The following EFCAB8 variants were observed in gnomAD, a reference collection of about 807,000 sequenced individuals.
EFCAB8 encodes the protein EF-hand calcium-binding domain-containing protein 8.
In EFCAB8, 100 loss-of-function variants were observed where a neutral mutation model predicts 116.3. The ratio of observed to expected loss-of-function variants is 0.86; its 90% CI spans 0.73 to 1.02. The LOEUF is 1.02. EFCAB8 is among the 50% of genes least tolerant of loss of function. The pLI is 0.00. For missense variants in EFCAB8, 1,320 were observed against 1,416.9 expected, an observed-to-expected ratio of 0.93 and a Z score of 1.10; for synonymous variants, 558 against 567.9, an observed-to-expected ratio of 0.98 and a Z score of 0.25.
chr20:32,904,658 C>T (rs1333380434), intron 11 of EFCAB8, among the ~76,000 whole-genome samples: 3 of 132,700 alleles, frequency 2.3e-5, no homozygotes, highest in East Asian at 4.5e-4. Flanking sequence ...CTGAGTCTTT[C>T]TCTGTCACCC....
chr20:32,858,924 T>C lies in EFCAB8; in HGVS notation c.-93T>C, dbSNP rs779001038. 4.3e-6 allele frequency: 2 copies of C among 469,640 alleles called. No individual in the cohort carries two copies. The highest frequency in any genetic ancestry group is 8.8e-6 in the Non-Finnish European group (2 of 226,280). The allele number at this position is 469,640 out of a possible 1,614,324, so 29.1% of individuals were successfully genotyped here. A position where few individuals can be genotyped will look rare whatever the true frequency, so the allele number is the denominator to read the frequency against. On this transcript the variant is annotated 5_prime_UTR_variant, in exon 1 of 27. Coordinates refer to ENST00000400522, the MANE Select transcript of EFCAB8 (RefSeq NM_001143967.2). ...GGACTGGGAACAGCTGCCAATGTCT[T>C]TGTTGAGATGGGAGTTGGAAAGTGT...
At chr20:32,872,781 G>A (rs11697892) in intron 3 of EFCAB8, among the ~76,000 whole-genome samples, 47,879 of 147,826 alleles carry the variant, frequency 0.32, 9,690 homozygotes, top group Middle Eastern at 0.49. Flanking sequence ...GCAACAGAGC[G>A]AGACTCCATC....
intron 16 of EFCAB8, among the ~76,000 whole-genome samples, chr20:32,912,288 A>C (rs1049871315): frequency 6.6e-6 from 1 of 152,094 alleles, no homozygotes; most frequent in Non-Finnish European, 1.5e-5. Flanking sequence ...AAATACAAAA[A>C]AAATTAGCCA....
intron 20 of EFCAB8, among the ~76,000 whole-genome samples, chr20:32,925,383 C>CT (rs2146266822): frequency 6.6e-6 from 1 of 152,206 alleles, no homozygotes; most frequent in South Asian, 2.1e-4. Flanking sequence ...CCACACCTGG[C>CT]TAATTTTGTG....
chr20:32,863,746 C>G, intron 1 of EFCAB8, 37 bp from the exon 2 acceptor site: 1 of 1,544,002 alleles, frequency 6.5e-7, no homozygotes, highest in Non-Finnish European at 8.7e-7. Context: ...GTCCTTACAA[C>G]GACTGGAGTT....
rs994218669 is a variant in EFCAB8 at position 32,907,072 on chromosome 20, G to C, written c.1308+78G>C. ...GCCAGAGAAATGGCATGACCTCCCT[G>C]CCCACGGCCCCACATCTGGCCAAAG... On this transcript the variant is annotated intron_variant, in intron 13 of 26. Transcript: ENST00000400522. 5 of 1,444,922 alleles carry C rather than the reference G, an allele frequency of 3.5e-6. No homozygotes were observed. In the African/African-American group the frequency reaches 5.7e-5, roughly 17 times the overall value. The allele number at this position is 1,444,922 out of a possible 1,614,324, so 89.5% of individuals were successfully genotyped here.
At chr20:32,889,271 G>A (rs1338385999) in intron 6 of EFCAB8, 30 bp from the exon 7 acceptor site, 1 of 1,547,200 alleles carries the variant, frequency 6.5e-7, no homozygotes, top group Non-Finnish European at 8.7e-7. Context: ...ATGCGTCCCA[G>A]CCCATCTCCT....
In EFCAB8 at chr20:32,878,884, C is replaced by G. The variant is rs527363269; in HGVS notation, c.431+77C>G. 110 of 1,273,526 alleles carry G rather than the reference C, an allele frequency of 8.6e-5. No individual in the cohort carries two copies. The East Asian group carries it at 2.8e-3, about 32-fold the overall frequency. The allele number at this position is 1,273,526 out of a possible 1,614,324, so 78.9% of individuals were successfully genotyped here. A position where few individuals can be genotyped will look rare whatever the true frequency, so the allele number is the denominator to read the frequency against. On this transcript the variant is annotated intron_variant, in intron 5 of 26. Transcript: ENST00000400522. Reference sequence around the variant, plus strand: ...GGTGCCAGCCTGCAGTGAGCCCCTCCCTCAATCCGTGACCTTGCTGGTGCT... The same window carrying G: ...GGTGCCAGCCTGCAGTGAGCCCCTCGCTCAATCCGTGACCTTGCTGGTGCT...
chr20:32,912,805 T>C lies in EFCAB8; in HGVS notation c.1797T>C (p.Ile599=), dbSNP rs1273280604. The change falls in exon 17 of 27, where the codon ATT becomes ATC. Residue 599 remains isoleucine (I), a synonymous_variant. Coordinates refer to ENST00000400522, the MANE Select transcript of EFCAB8 (RefSeq NM_001143967.2). ...PSPEQLEISG[I]IHMNKVFYVT... is the part of the protein sequence containing the mutation. ...TTCATCTTCAACAGATTAGTGGGAT[T>C]ATCCATATGAACAAAGTGTTCTATG... 1 of 718,934 alleles carries C rather than the reference T, an allele frequency of 1.4e-6. No individual in the cohort carries two copies. The highest frequency in any genetic ancestry group is 1.5e-5 in the South Asian group (1 of 67,574). The allele number at this position is 718,934 out of a possible 1,614,324, so 44.5% of individuals were successfully genotyped here. A position where few individuals can be genotyped will look rare whatever the true frequency, so the allele number is the denominator to read the frequency against.
chr20:32,910,595 A>G (rs1371460505), intron 15 of EFCAB8, among the ~76,000 whole-genome samples: 1 of 152,114 alleles, frequency 6.6e-6, no homozygotes, highest in Non-Finnish European at 1.5e-5. Flanking sequence ...CTTCTCTCCC[A>G]TCCTGGCTCC....
chr20:32,935,669 A>G (rs1447831691), intron 22 of EFCAB8, among the ~76,000 whole-genome samples: 1 of 150,210 alleles, frequency 6.7e-6, no homozygotes, highest in Admixed American at 6.6e-5. Context: ...ACCACGCCCA[A>G]CTAATTTTGT....
intron 23 of EFCAB8, among the ~76,000 whole-genome samples, chr20:32,950,572 G>A (rs549593932): frequency 2.6e-5 from 4 of 152,172 alleles, no homozygotes; most frequent in Non-Finnish European, 5.9e-5. Context: ...CAGAGGCTTG[G>A]ACTGCTTCTG....
intron 20 of EFCAB8, 63 bp downstream of exon 20, chr20:32,920,278 G>C: frequency 2.0e-6 from 3 of 1,534,292 alleles, no homozygotes; most frequent in Non-Finnish European, 2.6e-6. Context: ...GGATTGGGTG[G>C]TCAGGATGGG....
chr20:32,916,060 T>C (rs921119993), intron 17 of EFCAB8, among the ~76,000 whole-genome samples: 2 of 152,178 alleles, frequency 1.3e-5, no homozygotes, highest in Non-Finnish European at 2.9e-5. Flanking sequence ...CTGTCTTTGT[T>C]CACTCAGGCT....
In EFCAB8 at chr20:32,893,294, G is replaced by A. The variant is rs758719928; in HGVS notation, c.879G>A (p.Lys293=). ...CCCGTATCCTCCCCAGGGCCTCCAAGTGGGGTAGCTAAGATGCTGGGGAAG... is the reference window on the plus strand; with the variant it reads ...CCCGTATCCTCCCCAGGGCCTCCAAATGGGGTAGCTAAGATGCTGGGGAAG... ...FNPRILPRAS[K]WDHWIKVSLQ... Residue 293 remains lysine (K), a synonymous_variant, in exon 9 of 27, where the codon AAG becomes AAA. Coordinates refer to ENST00000400522, the MANE Select transcript of EFCAB8 (RefSeq NM_001143967.2). The A allele has an allele frequency of 4.5e-6, 7 of 1,551,762 alleles. No individual in the cohort carries two copies. The South Asian group carries it at 5.9e-5, about 13-fold the overall frequency.
At chr20:32,919,471 T>C (rs1223420740) in intron 19 of EFCAB8, among the ~76,000 whole-genome samples, 1 of 152,140 alleles carries the variant, frequency 6.6e-6, no homozygotes, top group Non-Finnish European at 1.5e-5. Context: ...AATGGGTGCA[T>C]AGGTATATTT....
intron 24 of EFCAB8, among the ~76,000 whole-genome samples, chr20:32,959,227 A>G (rs1166740181): frequency 6.6e-6 from 1 of 152,210 alleles, no homozygotes; most frequent in Non-Finnish European, 1.5e-5. Context: ...CTGCAATTTT[A>G]TGTGATAAGT....
At chr20:32,904,986 G>A (rs931922387) in intron 11 of EFCAB8, among the ~76,000 whole-genome samples, 1 of 152,142 alleles carries the variant, frequency 6.6e-6, no homozygotes, top group Non-Finnish European at 1.5e-5. Context: ...TTGTGGATGA[G>A]AGGCATGGGC....
At chr20:32,910,586 T>C (rs1301159103) in intron 15 of EFCAB8, among the ~76,000 whole-genome samples, 1 of 152,134 alleles carries the variant, frequency 6.6e-6, no homozygotes, top group Non-Finnish European at 1.5e-5. Flanking sequence ...CATTCTGGGC[T>C]TCTCTCCCAT....
Sources: gnomAD v4.1 joint callset for allele counts (sites outside exome capture counted in the v4.1 genomes callset) on GRCh38, gnomAD v4.1.1 for gene constraint, MANE v1.5 for transcripts, NCBI Gene and HGNC (gene_info 2026-07-23, HGNC 2026-07-21) for gene names.